IL17RD: variants seen among roughly 807,000 people sequenced by gnomAD.
The protein encoded by IL17RD is interleukin 17 receptor D, also known as interleukin-17 receptor D.
IL17RD carries 52 observed loss-of-function variants against 80.5 expected under a neutral mutation model. The ratio of observed to expected loss-of-function variants is 0.65; its 90% confidence interval spans 0.52 to 0.81. The LOEUF is 0.81. Among genes scored for constraint, IL17RD ranks in the 40% least tolerant of loss-of-function variants. The pLI, the probability that IL17RD is intolerant of heterozygous loss-of-function variation, is 0.00. For missense variants in IL17RD, 1,024 were observed against 955.1 expected (o/e 1.07, Z -0.95); for synonymous variants, 416 against 391.8 (o/e 1.06, Z -0.73).
chr3:57,103,833 T>C (rs1706890845), intron 8 of IL17RD, among the ~76,000 whole-genome samples: 1 of 152,070 alleles, frequency 6.6e-6, no homozygotes, highest in African/African-American at 2.4e-5. Context: ...GCCTCCTGAG[T>C]AGCTGGGATT....
At chr3:57,125,253 G>A (rs1707434577) in intron 1 of IL17RD, among the ~76,000 whole-genome samples, 1 of 151,924 alleles carries the variant, frequency 6.6e-6, no homozygotes, top group Admixed American at 6.6e-5. Context: ...CTAAAAATAC[G>A]AAAATTAGCC....
intron 1 of IL17RD, among the ~76,000 whole-genome samples, chr3:57,128,833 A>G (rs933391960): frequency 2.0e-5 from 3 of 152,198 alleles, no homozygotes; most frequent in African/African-American, 7.2e-5. Context: ...CCTGGGTTTA[A>G]AAACAAGGCA....
rs1707294687 is a variant in IL17RD, at chr3:57,119,786, C to T, written c.184+470G>A. 2.0e-5 allele frequency among the ~76,000 whole-genome samples: 3 copies of T among 152,300 alleles called. No individual in the cohort carries two copies. In the South Asian group the frequency reaches 6.2e-4, roughly 32 times the overall value. On this transcript the variant is annotated intron_variant, in intron 2 of 12. Coordinates refer to ENST00000296318, the MANE Select transcript of IL17RD (RefSeq NM_017563.5). ...ATGTTTACACAAAAAGCACAAATTT[C>T]TCACTATTCTTGGAAATCAATTTGC...
chr3:57,119,252 T>A (rs1579281471), intron 2 of IL17RD, among the ~76,000 whole-genome samples: 2 of 151,580 alleles, frequency 1.3e-5, no homozygotes, highest in Admixed American at 1.3e-4. Flanking sequence ...CTCGGGAGGC[T>A]GAGGCAGGAG....
At chr3:57,118,424 T>C (rs978907844) in intron 2 of IL17RD, among the ~76,000 whole-genome samples, 1 of 152,228 alleles carries the variant, frequency 6.6e-6, no homozygotes, top group Non-Finnish European at 1.5e-5. Flanking sequence ...TGATTATGCA[T>C]TGAGAGGCCT....
chr3:57,126,685 T>G (rs2107506767), intron 1 of IL17RD, among the ~76,000 whole-genome samples: 1 of 152,360 alleles, frequency 6.6e-6, no homozygotes, highest in African/African-American at 2.4e-5. Flanking sequence ...TTTCAAGAAC[T>G]GTGCTAAATA....
intron 1 of IL17RD, among the ~76,000 whole-genome samples, chr3:57,163,802 A>AGGGGGGGGGGGGG (rs1559489790): frequency 1.4e-4 from 1 of 7,378 alleles, no homozygotes; most frequent in African/African-American, 6.4e-4. Flanking sequence ...GCGGGGGGGG[A>AGGGGGGGGGGGGG]AGGGGGTGGC....
In IL17RD at chr3:57,165,165, C is replaced by A. The variant is rs769474420; in HGVS notation, c.122G>T (p.Trp41Leu). Residue 41 changes from tryptophan (W) to leucine (L), a missense_variant, in exon 1 of 13, where the codon TGG (tryptophan) becomes TTG (leucine). Coordinates refer to ENST00000296318, the MANE Select transcript of IL17RD (RefSeq NM_017563.5). ...GRARGADTCG[W>L]RGVGPASRNS... ...AACCCGCCGCCCTCGCCTTACCCTC[C>A]AGCCACAGGTGTCGGCGCCCCGCGC... The A allele has an allele frequency of 2.6e-6, 4 of 1,525,004 alleles. No homozygotes were observed. The East Asian group carries it at 1.0e-4, about 40-fold the overall frequency. The allele number at this position is 1,525,004 out of a possible 1,614,324, so 94.5% of individuals were successfully genotyped here. A position where few individuals can be genotyped will look rare whatever the true frequency, so the allele number is the denominator to read the frequency against.
At chr3:57,109,464 A>G (rs1707043039) in intron 5 of IL17RD, 73 bp downstream of exon 5, 2 of 1,557,098 alleles carry the variant, frequency 1.3e-6, no homozygotes, top group Non-Finnish European at 1.7e-6. Flanking sequence ...TCTTGAACAC[A>G]TTTCTGTAGA....
Position 57,096,505 on chromosome 3 carries a change from C to G in IL17RD, c.2108G>C (p.Gly703Ala). ...TESVSSSSGLGEEEPPALPSK... is the reference protein window; with the variant it reads ...TESVSSSSGLAEEEPPALPSK... ...AGGAAGGGCAGGAGGTTCCTCCTCA[C>G]CTAAGGAGAGAAGAGAGTACAGAGT... The change falls in exon 13 of 13, where the codon GGT (glycine) becomes GCT (alanine). Residue 703 changes from glycine to alanine, a missense_variant and splice_region_variant. Physicochemically the swap from Gly to Ala is moderately conservative, Grantham distance 60. Transcript: ENST00000296318. 1 of 1,596,928 alleles carries G rather than the reference C, an allele frequency of 6.3e-7. No individual in the cohort carries two copies. Among genetic ancestry groups the G allele is most frequent in the African/African-American group, 1.3e-5 (1 of 74,654 alleles).
chr3:57,106,278 C>G, intron 5 of IL17RD, 124 bp from the exon 6 acceptor site: 1 of 678,810 alleles, frequency 1.5e-6, no homozygotes, highest in Non-Finnish European at 2.6e-6. Context: ...TAAAATACAT[C>G]AATTCAATGA....
chr3:57,146,604 G>A (rs555824602), intron 1 of IL17RD, among the ~76,000 whole-genome samples: 2 of 151,800 alleles, frequency 1.3e-5, no homozygotes, highest in African/African-American at 4.8e-5. Flanking sequence ...TACAAAATTA[G>A]CTGAGCGTGA....
chr3:57,096,731 C>T (rs868488587), intron 12 of IL17RD, among the ~76,000 whole-genome samples: 6 of 152,096 alleles, frequency 3.9e-5, no homozygotes, highest in Admixed American at 1.3e-4. Context: ...GCGTTTAGGC[C>T]GGGCGCAGTG....
chr3:57,147,092 C>G (rs1334034207), intron 1 of IL17RD, among the ~76,000 whole-genome samples: 1 of 151,418 alleles, frequency 6.6e-6, no homozygotes, highest in African/African-American at 2.4e-5. Context: ...CCACCTTGGC[C>G]TCCCAAACTG....
intron 1 of IL17RD, chr3:57,134,232 G>A (rs947677309): frequency 7.2e-6 from 5 of 691,706 alleles, no homozygotes; most frequent in Admixed American, 1.8e-5. Flanking sequence ...CAATGAAATC[G>A]CCAATGCCAA....
In IL17RD at chr3:57,127,251, T is replaced by TAAATATATATAAATATATATAA. The variant is rs1559476788; in HGVS notation, c.127-6960_127-6939dup. 5.8e-4 allele frequency among the ~76,000 whole-genome samples: 53 copies of TAAATATATATAAATATATATAA among 92,098 alleles called. 15 individuals carry two copies. Among genetic ancestry groups the TAAATATATATAAATATATATAA allele is most frequent in the African/African-American group, 1.7e-3 (31 of 18,702 alleles). The allele number at this position is 92,098 out of a possible 152,430, so 60.4% of individuals were successfully genotyped here. A position where few individuals can be genotyped will look rare whatever the true frequency, so the allele number is the denominator to read the frequency against. ...ATATAAAAATATATAAATATATATA[T>TAAATATATATAAATATATATAA]AAATATATATAAATATATATAAAAA... is the stretch of plus-strand genomic sequence containing the variant. On this transcript the variant is annotated intron_variant, in intron 1 of 12. Transcript: ENST00000296318.
chr3:57,156,868 C>G (rs1259981782), intron 1 of IL17RD, among the ~76,000 whole-genome samples: 1 of 152,204 alleles, frequency 6.6e-6, no homozygotes, highest in Non-Finnish European at 1.5e-5. Context: ...ACTCACTGGT[C>G]AGGCCCTGCT....
intron 1 of IL17RD, among the ~76,000 whole-genome samples, chr3:57,132,003 C>T (rs1388720514): frequency 2.6e-5 from 4 of 151,462 alleles, no homozygotes; most frequent in Admixed American, 6.6e-5. Context: ...CTGGGCAAAA[C>T]GGTGAAACCC....
intron 1 of IL17RD, among the ~76,000 whole-genome samples, chr3:57,137,156 T>A (rs1707747427): frequency 6.6e-6 from 1 of 152,202 alleles, no homozygotes; most frequent in African/African-American, 2.4e-5. Flanking sequence ...ATGGTTGCTA[T>A]TTCTCAGGGA....
Sources: gnomAD v4.1 joint callset for allele counts (sites outside exome capture counted in the v4.1 genomes callset) on GRCh38, gnomAD v4.1.1 for gene constraint, MANE v1.5 for transcripts, NCBI Gene and HGNC (gene_info 2026-07-23, HGNC 2026-07-21) for gene names.